ACSF3: variants seen among roughly 807,000 people sequenced by gnomAD.
ACSF3 encodes acyl-CoA synthetase family member 3, also known as malonate--CoA ligase ACSF3, mitochondrial.
Under a neutral mutation model 53.2 loss-of-function variants are expected in ACSF3, and 78 were observed. The observed-to-expected ratio is 1.47, with a 90% CI of 1.22 to 1.77. ACSF3 has a LOEUF of 1.77. Among genes scored for constraint, ACSF3 ranks in the 40% most tolerant of loss-of-function variants. The pLI, the probability that ACSF3 is intolerant of heterozygous loss-of-function variation, is 0.00. For missense variants in ACSF3, 937 were observed against 771.1 expected (o/e 1.22, Z -2.55); for synonymous variants, 414 against 333.1 (o/e 1.24, Z -2.65).
chr16:89,124,385 C>T (rs1314490580), intron 7 of ACSF3, among the ~76,000 whole-genome samples: 2 of 121,500 alleles, frequency 1.6e-5, no homozygotes, highest in South Asian at 2.6e-4. Flanking sequence ...GTGTGTGATA[C>T]CTGTGTGTGC....
At chr16:89,117,507 A>T (rs1030052343) in intron 6 of ACSF3, among the ~76,000 whole-genome samples, 1 of 151,850 alleles carries the variant, frequency 6.6e-6, no homozygotes, top group Non-Finnish European at 1.5e-5. Context: ...CAGCCCAGGG[A>T]CCACTGTCTA....
intron 8 of ACSF3, among the ~76,000 whole-genome samples, chr16:89,139,300 G>A (rs1183490145): frequency 1.3e-5 from 2 of 152,028 alleles, no homozygotes; most frequent in Non-Finnish European, 2.9e-5. Context: ...CCCTCCTACC[G>A]GGTCAGGACG....
chr16:89,151,911 T>C (rs986704291), intron 10 of ACSF3: 1 of 152,254 alleles, frequency 6.6e-6, no homozygotes, highest in African/African-American at 2.4e-5. Context: ...ATTCACCATA[T>C]TTACAGAATG....
intron 7 of ACSF3, among the ~76,000 whole-genome samples, chr16:89,121,234 G>C (rs905030579): frequency 2.6e-5 from 4 of 152,256 alleles, no homozygotes; most frequent in Admixed American, 1.3e-4. Flanking sequence ...GGCCATGATG[G>C]CCTTGGCTAA....
chr16:89,095,666 G>T (rs1974530079), intron 1 of ACSF3, among the ~76,000 whole-genome samples: 1 of 152,206 alleles, frequency 6.6e-6, no homozygotes. Context: ...GTTGAAAGCA[G>T]CCCTTCATTT....
intron 8 of ACSF3, among the ~76,000 whole-genome samples, chr16:89,142,489 G>T (rs561027121): frequency 1.1e-4 from 16 of 151,782 alleles, no homozygotes; most frequent in Non-Finnish European, 2.2e-4. Flanking sequence ...TAACACATCT[G>T]CAGAGACACA....
chr16:89,145,352 C>T lies in ACSF3; in HGVS notation c.1452C>T (p.Val484=), dbSNP rs761562613. 1 of 1,614,210 alleles carries T rather than the reference C, an allele frequency of 6.2e-7. No individual in the cohort carries two copies. The highest frequency in any genetic ancestry group is 8.5e-7 in the Non-Finnish European group (1 of 1,180,032). Residue 484 remains valine, a synonymous_variant, in exon 9 of 11, where the codon GTC becomes GTT. Coordinates refer to ENST00000614302, the MANE Select transcript of ACSF3 (RefSeq NM_001243279.3). ...TCATCAAGACTGGAGGCTACAAGGT[C>T]AGCGCCCTGGAGGTGGAGTGGCACC... ...VDIIKTGGYK[V]SALEVEWHLL...
At chr16:89,128,981 A>C (rs1382234901) in intron 7 of ACSF3, among the ~76,000 whole-genome samples, 1 of 152,088 alleles carries the variant, frequency 6.6e-6, no homozygotes, top group Non-Finnish European at 1.5e-5. Context: ...GGAAAAAAAA[A>C]AATAGCTGGG....
At chr16:89,127,327 A>G (rs977244562) in intron 7 of ACSF3, among the ~76,000 whole-genome samples, 2 of 152,080 alleles carry the variant, frequency 1.3e-5, no homozygotes, top group African/African-American at 4.8e-5. Flanking sequence ...GAATTCACCA[A>G]TGAAATCATC....
Position 89,093,972 on chromosome 16 carries a change from C to T in ACSF3, c.-218C>T, listed in dbSNP as rs985220145. 7 of 248,202 alleles carry T rather than the reference C, an allele frequency of 2.8e-5. No homozygotes were observed. The highest frequency in any genetic ancestry group is 5.2e-5 in the Non-Finnish European group (6 of 114,858). The allele number at this position is 248,202 out of a possible 1,614,324, so 15.4% of individuals were successfully genotyped here. A position where few individuals can be genotyped will look rare whatever the true frequency, so the allele number is the denominator to read the frequency against. On this transcript the variant is annotated 5_prime_UTR_variant, in exon 1 of 11. Transcript: ENST00000614302. ...AAGAGTTGTGGCGAGGCAGATCCTG[C>T]CCCGTGGCCGCGGCCGTCTCGTAGG...
At position 89,120,860 on chromosome 16, in the gene ACSF3, AG is replaced by A; in HGVS notation, c.1189del (p.Glu397LysfsTer18). 1 of 1,614,116 alleles carries A rather than the reference AG, an allele frequency of 6.2e-7. No individual in the cohort carries two copies. Among genetic ancestry groups the A allele is most frequent in the Non-Finnish European group, 8.5e-7 (1 of 1,180,008 alleles). The part of the protein sequence containing the change: ...QVRIVSENPQ[R>X]EACSYTIHAE... ...GCGCATTGTCTCAGAAAACCCACAG[AG>A]GGAAGCCTGCTCCTACACCATCCAC... On this transcript the variant is annotated frameshift_variant, in exon 7 of 11. Transcript: ENST00000614302. LOFTEE classifies it high-confidence loss of function.
chr16:89,145,287 G>T lies in ACSF3; in HGVS notation c.1387G>T (p.Asp463Tyr). The change falls in exon 9 of 11, where the codon GAT becomes TAT. Residue 463 changes from aspartate to tyrosine, a missense_variant. Transcript: ENST00000614302. ...CTCAGGGGACACCGTGGTGTTTAAG[G>T]ATGGCCAGTACTGGATCCGAGGCCG... Reference protein sequence around the residue: ...FKTGDTVVFKDGQYWIRGRTS... With the variant: ...FKTGDTVVFKYGQYWIRGRTS... The T allele has an allele frequency of 6.2e-7, 1 of 1,614,164 alleles. No homozygotes were observed. The highest frequency in any genetic ancestry group is 8.5e-7 in the Non-Finnish European group (1 of 1,180,034).
chr16:89,148,663 CA>C (rs1913557177), intron 10 of ACSF3: 1 of 152,294 alleles, frequency 6.6e-6, no homozygotes. Context: ...GCCAGGGCCC[CA>C]CTGGGGACTC....
chr16:89,117,460 G>A (rs1905334040), intron 6 of ACSF3, among the ~76,000 whole-genome samples: 1 of 152,074 alleles, frequency 6.6e-6, no homozygotes. Flanking sequence ...ATCAGGAGCA[G>A]CCCAGGGACC....
intron 6 of ACSF3, among the ~76,000 whole-genome samples, chr16:89,119,446 G>A (rs1810189019): frequency 6.6e-6 from 1 of 152,212 alleles, no homozygotes; most frequent in African/African-American, 2.4e-5. Context: ...TGGGCTGTGC[G>A]GGAGTTCTGA....
Position 89,119,018 on chromosome 16 carries a change from G to C in ACSF3, c.1127-1783G>C, listed in dbSNP as rs575745336. 4.9e-4 allele frequency among the ~76,000 whole-genome samples: 74 copies of C among 152,228 alleles called. 1 individual carries two copies. The South Asian group carries it at 0.015, about 31-fold the overall frequency. ...GGGGACCCCTCCCTCGAGCTCTCAC[G>C]GGTGGCACCTGGAGTGTGGGGGCCC... On this transcript the variant is annotated intron_variant, in intron 6 of 10. Transcript: ENST00000614302.
chr16:89,103,631 C>T (rs1362152300), intron 4 of ACSF3, among the ~76,000 whole-genome samples: 5 of 152,206 alleles, frequency 3.3e-5, no homozygotes, highest in Non-Finnish European at 7.3e-5. Flanking sequence ...GGGCGTAGGG[C>T]GTGACCCTTT....
At chr16:89,105,471 G>C (rs966807763) in intron 4 of ACSF3, among the ~76,000 whole-genome samples, 2 of 152,198 alleles carry the variant, frequency 1.3e-5, no homozygotes, top group Non-Finnish European at 2.9e-5. Flanking sequence ...AGCGCCTGGT[G>C]TGTAGGGAAC....
At chr16:89,120,086 A>C (rs960223526) in intron 6 of ACSF3, among the ~76,000 whole-genome samples, 2 of 152,228 alleles carry the variant, frequency 1.3e-5, no homozygotes, top group Admixed American at 6.5e-5. Context: ...CCAGCAACCT[A>C]AACCACAGGC....
Sources: allele counts gnomAD v4.1 joint callset (sites outside exome capture counted in the v4.1 genomes callset), GRCh38; gene constraint gnomAD v4.1.1; transcripts MANE v1.5; gene names NCBI Gene and HGNC (gene_info 2026-07-23, HGNC 2026-07-21).